The following USH2A variants were observed in gnomAD, a reference collection of about 807,000 sequenced individuals.
The protein encoded by USH2A is Usher syndrome 2A (autosomal recessive, mild).
In USH2A, 443 loss-of-function variants were observed where a neutral mutation model predicts 538.9. The observed-to-expected ratio is 0.82, with a 90% confidence interval of 0.76 to 0.89. USH2A has a LOEUF of 0.89. USH2A is among the 40% of genes least tolerant of loss of function. USH2A has a pLI of 0.00. For synonymous variants in USH2A, 2,413 were observed against 2,273.5 expected, an observed-to-expected ratio of 1.06 and a Z score of -1.75; for missense variants, 6,633 against 6,324.8, an observed-to-expected ratio of 1.05 and a Z score of -1.65.
intron 54 of USH2A, among the ~76,000 whole-genome samples, chr1:215,780,946 A>C (rs571885850): frequency 2.0e-5 from 3 of 152,346 alleles, no homozygotes; most frequent in African/African-American, 7.2e-5. Flanking sequence ...AGCATATGAA[A>C]AGAATCAGAG....
At chr1:215,868,589 C>T (rs1664542982) in intron 43 of USH2A, among the ~76,000 whole-genome samples, 3 of 152,128 alleles carry the variant, frequency 2.0e-5, no homozygotes, top group Non-Finnish European at 4.4e-5. Context: ...TATTTTCAAG[C>T]CCAAGCCCCT....
intron 41 of USH2A, among the ~76,000 whole-genome samples, chr1:215,882,729 A>C (rs1981229): frequency 0.38 from 58,140 of 151,830 alleles, 12,109 homozygotes; most frequent in East Asian, 0.65. Context: ...GTTCTCTACC[A>C]CTTATGCTGG....
At chr1:215,672,769 A>C (rs1213844842) in intron 63 of USH2A, among the ~76,000 whole-genome samples, 2 of 152,246 alleles carry the variant, frequency 1.3e-5, no homozygotes, top group Non-Finnish European at 2.9e-5. Flanking sequence ...TTCATATAGA[A>C]GTGATACTCT....
Position 216,193,490 on chromosome 1 carries a change from C to T in USH2A, c.4251+3063G>A, listed in dbSNP as rs140317921. Among the ~76,000 whole-genome samples the T allele has an allele frequency of 7.8e-4, 119 of 152,058 alleles. 1 individual carries two copies. In the East Asian group the frequency reaches 0.021, roughly 26 times the overall value. On this transcript the variant is annotated intron_variant, in intron 19 of 71. Transcript: ENST00000307340. ...AAAGGCTTAGAAAAAAATGGCAAACCTATTAGTAGTGGATTGTATAGTGTC... is the reference window on the plus strand; with the variant it reads ...AAAGGCTTAGAAAAAAATGGCAAACTTATTAGTAGTGGATTGTATAGTGTC...
chr1:215,854,874 C>A (rs572708941), intron 44 of USH2A, among the ~76,000 whole-genome samples: 1 of 152,224 alleles, frequency 6.6e-6, no homozygotes, highest in South Asian at 2.1e-4. Context: ...GATGGAGCCA[C>A]TATGTTGAAC....
intron 50 of USH2A, among the ~76,000 whole-genome samples, chr1:215,791,518 C>T (rs1661981252): frequency 6.6e-6 from 1 of 152,196 alleles, no homozygotes; most frequent in South Asian, 2.1e-4. Context: ...AGAACCCTCT[C>T]ATTCATCTTT....
intron 4 of USH2A, among the ~76,000 whole-genome samples, chr1:216,339,413 T>C (rs1389794050): frequency 1.3e-5 from 2 of 151,656 alleles, no homozygotes; most frequent in African/African-American, 4.8e-5. Context: ...AGAATGGCAA[T>C]TGTATATTTT....
At chr1:215,941,700 A>T (rs1666637669) in intron 37 of USH2A, among the ~76,000 whole-genome samples, 1 of 152,136 alleles carries the variant, frequency 6.6e-6, no homozygotes, top group Non-Finnish European at 1.5e-5. Context: ...AAGTAATTTG[A>T]CAACCATTAT....
intron 21 of USH2A, among the ~76,000 whole-genome samples, chr1:216,141,401 G>A (rs138151804): frequency 1.3e-5 from 2 of 152,182 alleles, no homozygotes; most frequent in Non-Finnish European, 2.9e-5. Context: ...TACAGAGGCT[G>A]ACATTTTCCG....
At chr1:215,896,088 A>G (rs369473059) in intron 40 of USH2A, among the ~76,000 whole-genome samples, 1 of 152,206 alleles carries the variant, frequency 6.6e-6, no homozygotes, top group Non-Finnish European at 1.5e-5. Context: ...TTAAAATATC[A>G]CTGTGTCATC....
intron 44 of USH2A, among the ~76,000 whole-genome samples, chr1:215,851,216 G>A (rs1664007617): frequency 6.6e-6 from 1 of 152,036 alleles, no homozygotes; most frequent in Non-Finnish European, 1.5e-5. Flanking sequence ...AAATGCAATT[G>A]AAACAAACAA....
intron 21 of USH2A, among the ~76,000 whole-genome samples, chr1:216,111,010 T>C (rs980522519): frequency 1.2e-4 from 18 of 152,092 alleles, no homozygotes; most frequent in Non-Finnish European, 2.1e-4. Flanking sequence ...CGGATCACTT[T>C]AGGTCAGGAG....
intron 3 of USH2A, among the ~76,000 whole-genome samples, chr1:216,383,798 C>A (rs1401738467): frequency 6.6e-6 from 1 of 151,886 alleles, no homozygotes; most frequent in Middle Eastern, 3.2e-3. Context: ...TCTTAGCCTT[C>A]TGAGTAGCTG....
intron 32 of USH2A, among the ~76,000 whole-genome samples, chr1:216,040,583 G>A (rs116706246): frequency 2.8e-4 from 43 of 152,114 alleles, no homozygotes; most frequent in African/African-American, 9.9e-4. Context: ...AGAATAATCT[G>A]TGGCTACAGT....
chr1:216,093,893 T>G (rs2102569789), intron 22 of USH2A, among the ~76,000 whole-genome samples: 1 of 152,332 alleles, frequency 6.6e-6, no homozygotes, highest in East Asian at 1.9e-4. Context: ...AATTCAGTGC[T>G]AGTTCTATCC....
chr1:216,107,825 C>T (rs1406666297), intron 21 of USH2A, among the ~76,000 whole-genome samples: 1 of 151,562 alleles, frequency 6.6e-6, no homozygotes, highest in Non-Finnish European at 1.5e-5. Flanking sequence ...TAAAATGGCT[C>T]TCTAAGGATC....
chr1:216,119,737 G>GT (rs1430504514), intron 21 of USH2A, among the ~76,000 whole-genome samples: 1 of 152,084 alleles, frequency 6.6e-6, no homozygotes, highest in Non-Finnish European at 1.5e-5. Flanking sequence ...TTCTGAGAAT[G>GT]TTAGCAAATC....
chr1:216,368,795 T>C (rs1425378341), intron 3 of USH2A, among the ~76,000 whole-genome samples: 2 of 152,204 alleles, frequency 1.3e-5, no homozygotes, highest in Non-Finnish European at 2.9e-5. Flanking sequence ...TTTGTTAATA[T>C]ATGTGGTGTA....
chr1:216,061,385 A>G (rs2031176297), intron 30 of USH2A, among the ~76,000 whole-genome samples: 2 of 151,986 alleles, frequency 1.3e-5, no homozygotes, highest in Admixed American at 1.3e-4. Context: ...AGTATTTTCT[A>G]TTTACTTTTA....
Sources: allele counts gnomAD v4.1 joint callset (sites outside exome capture counted in the v4.1 genomes callset), GRCh38; gene constraint gnomAD v4.1.1; transcripts MANE v1.5; gene names NCBI Gene and HGNC (gene_info 2026-07-23, HGNC 2026-07-21).